The following ACSL4 variants were observed in gnomAD, a reference collection of about 807,000 sequenced individuals.
ACSL4 encodes acyl-CoA synthetase long chain family member 4.
ACSL4 carries 9 observed loss-of-function variants against 49.1 expected under a neutral mutation model. The ratio of observed to expected loss-of-function variants is 0.18; its 90% CI spans 0.11 to 0.32. The LOEUF (loss-of-function observed/expected upper bound fraction) is 0.32, where lower values mean the gene tolerates loss of function less well. Ranked by LOEUF, ACSL4 falls within the 10% of genes least tolerant of loss-of-function variation. The probability of loss-of-function intolerance (pLI) is 1.00; values close to 1 mark genes in which losing one functional copy is unlikely to be tolerated. For synonymous variants in ACSL4, 191 were observed against 170.3 expected, an observed-to-expected ratio of 1.12 and a Z score of -0.95; for missense variants, 333 against 493.7, an observed-to-expected ratio of 0.67 and a Z score of 3.08.
At chrX:109,684,159 C>T (rs1036355409) in intron 2 of ACSL4, among the ~76,000 whole-genome samples, 1 of 111,734 alleles carries the variant, frequency 8.9e-6, no homozygotes, top group African/African-American at 3.3e-5. Context: ...CAAAGGTCAA[C>T]CCAGAAACCT....
At position 109,688,416 on chromosome X, in the gene ACSL4, C is replaced by T. The variant is rs777376988; in HGVS notation, c.-12-5041G>A. ...ATTTTCCCTGCTCTTCTGAACTATTCCCTTCAGCATCATAACCAGCTGTTA... is the reference window on the plus strand; with the variant it reads ...ATTTTCCCTGCTCTTCTGAACTATTTCCTTCAGCATCATAACCAGCTGTTA... On this transcript the variant is annotated intron_variant, in intron 2 of 15. Coordinates refer to ENST00000672401, the MANE Select transcript of ACSL4 (RefSeq NM_001318510.2). Among the ~76,000 whole-genome samples, 9 of 112,038 alleles carry T rather than the reference C, an allele frequency of 8.0e-5. No individual in the cohort carries two copies. The South Asian group carries it at 3.3e-3, about 41-fold the overall frequency.
At chrX:109,701,142 C>T (rs149101637) in intron 1 of ACSL4, among the ~76,000 whole-genome samples, 3,031 of 111,859 alleles carry the variant, frequency 0.027, 88 homozygotes, top group African/African-American at 0.091. Context: ...TATCCAACCA[C>T]CTAGAAATAA....
At chrX:109,691,334 T>C (rs962150586) in intron 2 of ACSL4, among the ~76,000 whole-genome samples, 2 of 112,445 alleles carry the variant, frequency 1.8e-5, no homozygotes, top group African/African-American at 6.4e-5. Context: ...TGAAAAAGAT[T>C]AGTTGTAACT....
At chrX:109,691,715 A>G (rs1925049048) in intron 2 of ACSL4, among the ~76,000 whole-genome samples, 1 of 112,369 alleles carries the variant, frequency 8.9e-6, no homozygotes, top group South Asian at 3.6e-4. Context: ...TCAGTCTGCA[A>G]GACGAAATAA....
At chrX:109,681,937 T>C (rs754696858) in intron 4 of ACSL4, among the ~76,000 whole-genome samples, 1 of 111,725 alleles carries the variant, frequency 9.0e-6, no homozygotes, top group South Asian at 3.7e-4. Flanking sequence ...AGAGATAACA[T>C]AAACCAAGAT....
rs377700988 is a variant in ACSL4, at chrX:109,681,185, C to T, written c.517-49G>A. Reference sequence around the variant, plus strand: ...ACAGCTATTAAACTTAAGCCTGCAACAAAAATTCACTTACTGAATGAATAT... The same window carrying T: ...ACAGCTATTAAACTTAAGCCTGCAATAAAAATTCACTTACTGAATGAATAT... On this transcript the variant is annotated intron_variant, in intron 5 of 15. Transcript: ENST00000672401. 3 of 1,203,496 alleles carry T rather than the reference C, an allele frequency of 2.5e-6. No individual in the cohort carries two copies. In the African/African-American group the frequency reaches 5.3e-5, roughly 21 times the overall value.
At chrX:109,687,350 T>G (rs1470290352) in intron 2 of ACSL4, among the ~76,000 whole-genome samples, 4 of 112,184 alleles carry the variant, frequency 3.6e-5, no homozygotes, top group Non-Finnish European at 5.6e-5. Context: ...CAACAAAAAT[T>G]TTCTAGGCTA....
At chrX:109,719,020 C>T (rs1475192567) in intron 1 of ACSL4, among the ~76,000 whole-genome samples, 1 of 111,411 alleles carries the variant, frequency 9.0e-6, no homozygotes, top group Non-Finnish European at 1.9e-5. Context: ...AACAGACTTC[C>T]TCTTCCTCAG....
At chrX:109,674,162 C>T (rs1315219258) in intron 9 of ACSL4, among the ~76,000 whole-genome samples, 1 of 111,809 alleles carries the variant, frequency 8.9e-6, no homozygotes, top group African/African-American at 3.2e-5. Flanking sequence ...AGGTCATTTT[C>T]ATCACCTAAT....
chrX:109,713,673 T>C (rs1203351561), intron 1 of ACSL4, among the ~76,000 whole-genome samples: 1 of 111,907 alleles, frequency 8.9e-6, no homozygotes, highest in African/African-American at 3.2e-5. Context: ...GTGTCATATT[T>C]CTCATTTGTT....
At chrX:109,648,373 C>G (rs151298855) in intron 15 of ACSL4, among the ~76,000 whole-genome samples, 2 of 111,574 alleles carry the variant, frequency 1.8e-5, no homozygotes, top group Admixed American at 1.9e-4. Context: ...GTTTAATATA[C>G]GCAAATCAAT....
chrX:109,645,924 G>C (rs953700227), intron 15 of ACSL4, among the ~76,000 whole-genome samples: 1 of 112,112 alleles, frequency 8.9e-6, no homozygotes, highest in East Asian at 2.8e-4. Context: ...GGCTATCAAT[G>C]ATGGAAGATG....
chrX:109,645,797 C>G (rs2147350378), intron 15 of ACSL4, among the ~76,000 whole-genome samples: 1 of 111,850 alleles, frequency 8.9e-6, no homozygotes, highest in Non-Finnish European at 1.9e-5. Context: ...GAATGTATAA[C>G]TAGAATAACC....
At chrX:109,682,694 C>T in intron 4 of ACSL4, 25 bp downstream of exon 4, 1 of 1,209,456 alleles carries the variant, frequency 8.3e-7, no homozygotes, top group African/African-American at 1.7e-5. Context: ...CTCCTCTCCC[C>T]CCTCCAAAAA....
intron 2 of ACSL4, among the ~76,000 whole-genome samples, chrX:109,687,560 A>T (rs1376174841): frequency 9.0e-6 from 1 of 111,470 alleles, no homozygotes. Context: ...GTTACATCAC[A>T]CACAGGGGCC....
chrX:109,651,875 C>T (rs1364769728), intron 15 of ACSL4, among the ~76,000 whole-genome samples: 1 of 111,761 alleles, frequency 8.9e-6, no homozygotes, highest in Non-Finnish European at 1.9e-5. Flanking sequence ...ATCTTGAAAA[C>T]TCCTAAACAT....
chrX:109,677,695 C>T (rs900095097), intron 8 of ACSL4, among the ~76,000 whole-genome samples: 5 of 110,196 alleles, frequency 4.5e-5, no homozygotes, highest in African/African-American at 1.3e-4. Flanking sequence ...GCAGGAGAAT[C>T]GCTTGAACCC....
chrX:109,687,620 A>T (rs951880565), intron 2 of ACSL4, among the ~76,000 whole-genome samples: 3 of 111,667 alleles, frequency 2.7e-5, no homozygotes, highest in Non-Finnish European at 3.8e-5. Flanking sequence ...AGAAATACCT[A>T]ACGTAGATGA....
At chrX:109,666,060 C>T (rs970357542) in intron 11 of ACSL4, among the ~76,000 whole-genome samples, 2 of 112,073 alleles carry the variant, frequency 1.8e-5, no homozygotes, top group African/African-American at 6.5e-5. Context: ...TAGCAATAAA[C>T]AAATATTTAT....
Sources: allele counts gnomAD v4.1 joint callset (sites outside exome capture counted in the v4.1 genomes callset), GRCh38; gene constraint gnomAD v4.1.1; transcripts MANE v1.5; gene names NCBI Gene and HGNC (gene_info 2026-07-23, HGNC 2026-07-21).